The following JAM3 variants were observed in gnomAD, a reference collection of about 807,000 sequenced individuals.
JAM3 encodes the protein junctional adhesion molecule 3, also known as junctional adhesion molecule C.
A neutral mutation model predicts 39.4 loss-of-function variants in JAM3; 31 were observed. The observed-to-expected ratio is 0.79, with a 90% CI of 0.59 to 1.06. The LOEUF is 1.06. Ranked by LOEUF, JAM3 falls within the 50% of genes least tolerant of loss-of-function variation. The pLI, the probability that JAM3 is intolerant of heterozygous loss-of-function variation, is 0.00. For missense variants in JAM3, 455 were observed against 391.4 expected (o/e 1.16, Z -1.37); for synonymous variants, 182 against 148.7 (o/e 1.22, Z -1.63).
chr11:134,143,563 A>G (rs929772317), intron 3 of JAM3, among the ~76,000 whole-genome samples: 4 of 152,226 alleles, frequency 2.6e-5, no homozygotes, highest in South Asian at 4.2e-4. Flanking sequence ...TAGGTTGTCT[A>G]TTTCTTACTG....
intron 1 of JAM3, among the ~76,000 whole-genome samples, chr11:134,076,832 G>GC (rs1941578589): frequency 8.3e-6 from 1 of 121,052 alleles, no homozygotes; most frequent in African/African-American, 3.3e-5. Context: ...AACATCTATT[G>GC]CTTTTTTTTT....
At chr11:134,145,903 C>G in intron 5 of JAM3, 43 bp from the exon 6 acceptor site, 1 of 1,368,906 alleles carries the variant, frequency 7.3e-7, no homozygotes, top group Non-Finnish European at 1.0e-6. Context: ...AGAAATCGGC[C>G]CCATGATGGG....
chr11:134,146,124 G>A, intron 6 of JAM3, 79 bp downstream of exon 6: 1 of 1,003,636 alleles, frequency 1.0e-6, no homozygotes, highest in Non-Finnish European at 1.6e-6. Flanking sequence ...TATACCATCA[G>A]CTTAGAGAAC....
In JAM3 at chr11:134,151,162, G is replaced by T. The variant is rs1370265768; in HGVS notation, c.*1981G>T. ...TACTCACCTTGTCTTTCAGCTTCCA[G>T]TGTCTTGGGTTTTTTATACTTTGAC... is the stretch of plus-strand genomic sequence containing the variant. On this transcript the variant is annotated 3_prime_UTR_variant, in exon 9 of 9. Transcript: ENST00000299106. The T allele has an allele frequency of 6.6e-6, 1 of 152,262 alleles. No homozygotes were observed. The highest frequency in any genetic ancestry group is 2.4e-5 in the African/African-American group (1 of 41,460). 9.4% of individuals were successfully genotyped at this position (152,262 alleles called of 1,614,324 possible).
At chr11:134,103,800 G>A (rs9666359) in intron 1 of JAM3, among the ~76,000 whole-genome samples, 23,218 of 152,168 alleles carry the variant, frequency 0.15, 1,936 homozygotes, top group African/African-American at 0.22. Flanking sequence ...AATTCAACAA[G>A]AATAGCTAAC....
intron 5 of JAM3, chr11:134,145,305 A>G (rs1184830265): frequency 2.1e-6 from 1 of 468,148 alleles, no homozygotes; most frequent in African/African-American, 2.0e-5. Context: ...AAATTGGATT[A>G]CTAGGTGGTA....
chr11:134,119,541 G>A (rs969995020), intron 1 of JAM3, among the ~76,000 whole-genome samples: 2 of 152,198 alleles, frequency 1.3e-5, no homozygotes, highest in African/African-American at 4.8e-5. Context: ...TGACTCACAC[G>A]ATTAAGAAAG....
chr11:134,136,576 T>C (rs575165144), intron 1 of JAM3, among the ~76,000 whole-genome samples: 1 of 152,214 alleles, frequency 6.6e-6, no homozygotes, highest in South Asian at 2.1e-4. Flanking sequence ...GACTCTCAGC[T>C]TGGGACCTTA....
chr11:134,085,737 G>A (rs1266448501), intron 1 of JAM3, among the ~76,000 whole-genome samples: 13 of 152,120 alleles, frequency 8.5e-5, no homozygotes, highest in African/African-American at 1.4e-4. Context: ...ACTTGAGGAC[G>A]GGAAGCTTGT....
rs368934602 is a variant in JAM3, at chr11:134,148,955, AAC to A, written c.898-152_898-151del. ...CTGAGCTCCTCAGCCCCTTCACAGT[AAC>A]ACACACACACACACACACACACACA... On this transcript the variant is annotated intron_variant, in intron 8 of 8. Coordinates refer to ENST00000299106, the MANE Select transcript of JAM3 (RefSeq NM_032801.5). 120,820 of 680,820 alleles carry A rather than the reference AAC, an allele frequency of 0.18. 2,126 individuals carry two copies. The highest frequency in any genetic ancestry group is 0.22 in the South Asian group (12,705 of 57,974). The allele number at this position is 680,820 out of a possible 1,614,324, so 42.2% of individuals were successfully genotyped here. A position where few individuals can be genotyped will look rare whatever the true frequency, so the allele number is the denominator to read the frequency against.
intron 1 of JAM3, among the ~76,000 whole-genome samples, chr11:134,085,190 G>A (rs1375205570): frequency 6.6e-6 from 1 of 152,126 alleles, no homozygotes; most frequent in Non-Finnish European, 1.5e-5. Context: ...AGGGTATTTA[G>A]GATTAGTCAA....
At chr11:134,126,684 A>G (rs1382669269) in intron 1 of JAM3, among the ~76,000 whole-genome samples, 5 of 152,250 alleles carry the variant, frequency 3.3e-5, no homozygotes. Context: ...TGACAGAGCT[A>G]GGATAGCAAA....
intron 1 of JAM3, among the ~76,000 whole-genome samples, chr11:134,124,576 G>A (rs1024590215): frequency 4.6e-5 from 7 of 151,940 alleles, no homozygotes; most frequent in African/African-American, 1.7e-4. Flanking sequence ...GGATACCTTC[G>A]GACTCCAAAA....
intron 1 of JAM3, among the ~76,000 whole-genome samples, chr11:134,124,779 G>C (rs1331743484): frequency 6.6e-6 from 1 of 152,184 alleles, no homozygotes; most frequent in Non-Finnish European, 1.5e-5. Flanking sequence ...TCAAGGCAGT[G>C]TTAATTATGG....
chr11:134,113,009 G>T (rs998137308), intron 1 of JAM3, among the ~76,000 whole-genome samples: 4 of 152,156 alleles, frequency 2.6e-5, no homozygotes, highest in African/African-American at 9.7e-5. Flanking sequence ...GAGCACTCCA[G>T]TCCAGTGCAC....
intron 1 of JAM3, among the ~76,000 whole-genome samples, chr11:134,122,812 T>G (rs1942561978): frequency 6.6e-6 from 1 of 152,216 alleles, no homozygotes; most frequent in Non-Finnish European, 1.5e-5. Flanking sequence ...AAATAAAAAT[T>G]TTAAGCTACC....
chr11:134,101,903 CA>C (rs1195889230), intron 1 of JAM3, among the ~76,000 whole-genome samples: 21 of 151,968 alleles, frequency 1.4e-4, no homozygotes, highest in Non-Finnish European at 3.1e-4. Flanking sequence ...CGCATTTTTA[CA>C]AAAAATTTAA....
intron 1 of JAM3, among the ~76,000 whole-genome samples, chr11:134,096,943 C>T (rs1047981012): frequency 6.6e-6 from 1 of 150,848 alleles, no homozygotes; most frequent in Non-Finnish European, 1.5e-5. Context: ...AGCTGTATGC[C>T]CACATTTTGC....
intron 4 of JAM3, 118 bp from the exon 5 acceptor site, chr11:134,144,674 C>T: frequency 1.1e-6 from 1 of 951,688 alleles, no homozygotes; most frequent in Non-Finnish European, 1.7e-6. Context: ...CTGGGAACAG[C>T]AGTGGCGTGG....
Sources: gnomAD v4.1 joint callset for allele counts (sites outside exome capture counted in the v4.1 genomes callset) on GRCh38, gnomAD v4.1.1 for gene constraint, MANE v1.5 for transcripts, NCBI Gene and HGNC (gene_info 2026-07-23, HGNC 2026-07-21) for gene names.